Variants in RBFOX1 observed in about 807,000 individuals in gnomAD.
RBFOX1 encodes RNA binding protein fox-1 homolog 1.
Under a neutral mutation model 57.7 loss-of-function variants are expected in RBFOX1, and 8 were observed. The ratio of observed to expected loss-of-function variants is 0.14; its 90% CI spans 0.08 to 0.25. RBFOX1 has a LOEUF of 0.25. Ranked by LOEUF, RBFOX1 falls within the 10% of genes least tolerant of loss-of-function variation. RBFOX1 has a pLI of 1.00. For synonymous variants in RBFOX1, 326 were observed against 222.4 expected (o/e 1.47, Z -4.15); for missense variants, 611 against 548.5 (o/e 1.11, Z -1.14).
intron 4 of RBFOX1, among the ~76,000 whole-genome samples, chr16:7,307,813 G>A (rs570069884): frequency 4.6e-5 from 7 of 152,254 alleles, no homozygotes; most frequent in South Asian, 2.1e-4. Context: ...CAGATGGAAC[G>A]GACAAGTAGT....
At chr16:6,604,790 C>A (rs1007572251) in intron 2 of RBFOX1, among the ~76,000 whole-genome samples, 1 of 151,832 alleles carries the variant, frequency 6.6e-6, no homozygotes, top group African/African-American at 2.4e-5. Flanking sequence ...TCTTTCTTAC[C>A]AATTAATTGG....
At chr16:6,851,556 G>C (rs1299176390) in intron 3 of RBFOX1, among the ~76,000 whole-genome samples, 2 of 152,086 alleles carry the variant, frequency 1.3e-5, no homozygotes, top group African/African-American at 4.8e-5. Context: ...AAATATTTGT[G>C]TTCTCCTCTG....
chr16:7,452,227 C>A (rs935427987), intron 4 of RBFOX1, among the ~76,000 whole-genome samples: 4 of 152,194 alleles, frequency 2.6e-5, no homozygotes, highest in African/African-American at 9.7e-5. Flanking sequence ...GACCTTTCAG[C>A]TGGCTTGGTT....
chr16:5,914,162 C>A (rs746712042), intron 4 of RBFOX1, among the ~76,000 whole-genome samples: 55 of 152,170 alleles, frequency 3.6e-4, no homozygotes, highest in Non-Finnish European at 8.8e-5. Context: ...CCAAAATAAT[C>A]CAGGAAAAAG....
chr16:7,322,930 C>G (rs759772014), intron 4 of RBFOX1, among the ~76,000 whole-genome samples: 24 of 152,136 alleles, frequency 1.6e-4, no homozygotes, highest in Non-Finnish European at 2.9e-4. Flanking sequence ...CTTTCTCTTG[C>G]TTGGGAGGCA....
chr16:7,587,409 T>G (rs1396702054), intron 7 of RBFOX1, 109 bp downstream of exon 7: 2 of 1,169,414 alleles, frequency 1.7e-6, no homozygotes, highest in Non-Finnish European at 1.1e-6. Flanking sequence ...AAAATACACT[T>G]CAGTGGGAAT....
chr16:7,189,425 C>CA (rs1159617665), intron 4 of RBFOX1, among the ~76,000 whole-genome samples: 14,128 of 66,912 alleles, frequency 0.21, 1,853 homozygotes, highest in East Asian at 0.59. Context: ...GACTCCCTCT[C>CA]AAAAAAAAAA....
chr16:7,702,821 A>C (rs989322546), intron 14 of RBFOX1, among the ~76,000 whole-genome samples: 1 of 152,222 alleles, frequency 6.6e-6, no homozygotes, highest in African/African-American at 2.4e-5. Context: ...AATGCAAACC[A>C]AAGGATTGTC....
chr16:7,511,031 G>C (rs1567592165), intron 4 of RBFOX1, among the ~76,000 whole-genome samples: 2 of 152,190 alleles, frequency 1.3e-5, no homozygotes, highest in South Asian at 4.1e-4. Flanking sequence ...CTATAAAGGT[G>C]GGGAAATACA....
At chr16:6,747,167 T>C (rs182940687) in intron 3 of RBFOX1, among the ~76,000 whole-genome samples, 27 of 152,120 alleles carry the variant, frequency 1.8e-4, no homozygotes, top group Non-Finnish European at 2.9e-4. Context: ...CCCAACACTT[T>C]GGGAGACTGA....
At chr16:5,766,285 C>A (rs1418124914) in intron 3 of RBFOX1, among the ~76,000 whole-genome samples, 1 of 152,244 alleles carries the variant, frequency 6.6e-6, no homozygotes, top group East Asian at 1.9e-4. Context: ...AGGTATCATG[C>A]ACTTTAAAAT....
At chr16:6,818,813 G>C (rs1376107636) in intron 3 of RBFOX1, among the ~76,000 whole-genome samples, 5 of 152,170 alleles carry the variant, frequency 3.3e-5, no homozygotes, top group Non-Finnish European at 7.3e-5. Flanking sequence ...TGGCCTCCCT[G>C]ACTGGTCCGT....
At chr16:6,810,877 G>A (rs1342949480) in intron 3 of RBFOX1, among the ~76,000 whole-genome samples, 1 of 152,080 alleles carries the variant, frequency 6.6e-6, no homozygotes, top group Non-Finnish European at 1.5e-5. Flanking sequence ...CAACATGTGG[G>A]GATTACGGTT....
chr16:5,456,982 A>G (rs1437029579), intron 1 of RBFOX1, among the ~76,000 whole-genome samples: 1 of 152,164 alleles, frequency 6.6e-6, no homozygotes, highest in Non-Finnish European at 1.5e-5. Context: ...AGTGGCTTAA[A>G]CAATAGAAAT....
At chr16:7,545,480 C>T (rs888590850) in intron 5 of RBFOX1, among the ~76,000 whole-genome samples, 5 of 152,136 alleles carry the variant, frequency 3.3e-5, no homozygotes, top group African/African-American at 1.2e-4. Context: ...CCCTGGCACC[C>T]CCCGACCTTC....
At chr16:6,784,399 A>G (rs935414462) in intron 3 of RBFOX1, among the ~76,000 whole-genome samples, 29 of 151,944 alleles carry the variant, frequency 1.9e-4, no homozygotes, top group African/African-American at 6.5e-4. Context: ...TGCTGTTGAG[A>G]CACTCTGATG....
At chr16:6,794,856 C>T (rs949930726) in intron 3 of RBFOX1, among the ~76,000 whole-genome samples, 1 of 152,124 alleles carries the variant, frequency 6.6e-6, no homozygotes, top group East Asian at 1.9e-4. Context: ...TTGTCAAGGG[C>T]TTTTTTCCCC....
At chr16:7,117,713 G>GT (rs1290341634) in intron 4 of RBFOX1, among the ~76,000 whole-genome samples, 7 of 152,318 alleles carry the variant, frequency 4.6e-5, no homozygotes, top group Middle Eastern at 3.4e-3. Context: ...CAGTTTCTGT[G>GT]TATCAGAAAT....
chr16:6,914,430 G>A (rs568491986), intron 3 of RBFOX1, among the ~76,000 whole-genome samples: 1 of 152,118 alleles, frequency 6.6e-6, no homozygotes, highest in Non-Finnish European at 1.5e-5. Flanking sequence ...AGAAAAGACA[G>A]TAGTAAAGGA....
Sources: gnomAD v4.1 joint callset for allele counts (sites outside exome capture counted in the v4.1 genomes callset) on GRCh38, gnomAD v4.1.1 for gene constraint, MANE v1.5 for transcripts, NCBI Gene and HGNC (gene_info 2026-07-23, HGNC 2026-07-21) for gene names.